Variants in RBPJ observed in about 807,000 individuals in gnomAD.
The protein encoded by RBPJ is recombination signal binding protein for immunoglobulin kappa J region.
A neutral mutation model predicts 67.8 loss-of-function variants in RBPJ; 9 were observed. The ratio of observed to expected loss-of-function variants is 0.13; its 90% CI spans 0.08 to 0.23. The LOEUF (loss-of-function observed/expected upper bound fraction) is 0.23. Among genes scored for constraint, RBPJ ranks in the 10% least tolerant of loss-of-function variants. The pLI is 1.00. For synonymous variants in RBPJ, 198 were observed against 203.3 expected (o/e 0.97, Z 0.22); for missense variants, 305 against 595.6 (o/e 0.51, Z 5.08).
intron 1 of RBPJ, among the ~76,000 whole-genome samples, chr4:26,385,996 G>A (rs1196476279): frequency 6.6e-6 from 1 of 151,920 alleles, no homozygotes; most frequent in African/African-American, 2.4e-5. Context: ...TGATTACATA[G>A]GGTATATAAC....
intron 2 of RBPJ, among the ~76,000 whole-genome samples, chr4:26,395,349 C>T (rs1458350210): frequency 6.6e-6 from 1 of 152,078 alleles, no homozygotes. Context: ...ACATGGAAGG[C>T]TAAGGTGGGG....
At chr4:26,130,950 C>T in the RBPJ span, among the ~76,000 whole-genome samples, 10 of 152,282 alleles carry the variant, frequency 6.6e-5, no homozygotes, top group Middle Eastern at 3.4e-3. Context: ...TACATTTCGG[C>T]GTGGAATGTG....
chr4:26,289,402 A>AAAG (rs1721591986), intron 1 of RBPJ, among the ~76,000 whole-genome samples: 1 of 145,260 alleles, frequency 6.9e-6, no homozygotes, highest in African/African-American at 2.7e-5. Flanking sequence ...AAAAAAAAAA[A>AAAG]AAAAAGAAAA....
At chr4:26,414,315 G>A (rs750099930) in intron 3 of RBPJ, among the ~76,000 whole-genome samples, 4 of 151,930 alleles carry the variant, frequency 2.6e-5, no homozygotes, top group Admixed American at 2.6e-4. Flanking sequence ...GACTATAGGC[G>A]CCTGCCACCA....
chr4:26,430,178 T>A lies in RBPJ; in HGVS notation c.1044+125T>A. 1.8e-6 allele frequency: 2 copies of A among 1,138,836 alleles called. No homozygotes were observed. Among genetic ancestry groups the A allele is most frequent in the Non-Finnish European group, 2.6e-6 (2 of 769,574 alleles). The allele number at this position is 1,138,836 out of a possible 1,614,324, so 70.5% of individuals were successfully genotyped here. A position where few individuals can be genotyped will look rare whatever the true frequency, so the allele number is the denominator to read the frequency against. On this transcript the variant is annotated intron_variant, in intron 9 of 10. Coordinates refer to ENST00000355476, the MANE Select transcript of RBPJ (RefSeq NM_015874.6). This position sits in a 1 kb window ranked among gnomAD's most constrained non-coding sequence, Gnocchi z 4.1. ...ATCGTCTGATTAGGGGATTTTTATA[T>A]ACACCATTTGTTGATTTAAAGAAAA...
the RBPJ span, among the ~76,000 whole-genome samples, chr4:26,143,339 T>G: frequency 6.6e-6 from 1 of 152,236 alleles, no homozygotes; most frequent in South Asian, 2.1e-4. Flanking sequence ...TCTTAACAGG[T>G]AAGTTGTATC....
intron 1 of RBPJ, among the ~76,000 whole-genome samples, chr4:26,183,086 C>T (rs747119171): frequency 7.9e-5 from 12 of 152,200 alleles, no homozygotes; most frequent in Non-Finnish European, 1.5e-4. Context: ...ATACAGAAAC[C>T]AGTAACACAG....
chr4:26,162,833 T>C (rs1716118359), upstream of RBPJ, among the ~76,000 whole-genome samples: 1 of 152,134 alleles, frequency 6.6e-6, no homozygotes, highest in African/African-American at 2.4e-5. Flanking sequence ...CCACTACAGA[T>C]GAAGTATGCT....
At chr4:26,411,770 A>G (rs1734041094) in intron 3 of RBPJ, among the ~76,000 whole-genome samples, 1 of 152,032 alleles carries the variant, frequency 6.6e-6, no homozygotes, top group South Asian at 2.1e-4. Context: ...TCATTCTTTT[A>G]TCAGTTTAGC....
At chr4:26,319,586 G>C, upstream of RBPJ, 1 of 530,852 alleles carries the variant, frequency 1.9e-6, no homozygotes, top group Non-Finnish European at 3.4e-6. Flanking sequence ...GATTTGGGGC[G>C]AAAGCTTAGG....
intron 1 of RBPJ, among the ~76,000 whole-genome samples, chr4:26,174,878 A>T (rs1342684968): frequency 1.3e-5 from 2 of 152,200 alleles, no homozygotes; most frequent in Non-Finnish European, 2.9e-5. Context: ...ATCACATCAA[A>T]CCGTAGATTT....
rs1339815621 is a variant in RBPJ, at chr4:26,386,269, A to G, written c.21-84A>G. The G allele has an allele frequency of 4.5e-6, 4 of 896,652 alleles. No homozygotes were observed. In the African/African-American group the frequency reaches 5.1e-5, roughly 11 times the overall value. 55.5% of individuals were successfully genotyped at this position (896,652 alleles called of 1,614,324 possible). A position where few individuals can be genotyped will look rare whatever the true frequency, so the allele number is the denominator to read the frequency against. Reference sequence around the variant, plus strand: ...GAGATTGAAGTATAAGTCATAAAAGAGATTTTATGATGCCTGAAAAGCTTT... The same window carrying G: ...GAGATTGAAGTATAAGTCATAAAAGGGATTTTATGATGCCTGAAAAGCTTT... On this transcript the variant is annotated intron_variant, in intron 1 of 10. Transcript: ENST00000355476.
chr4:26,286,145 A>G (rs1483301690), intron 1 of RBPJ, among the ~76,000 whole-genome samples: 2 of 151,476 alleles, frequency 1.3e-5, no homozygotes, highest in African/African-American at 4.8e-5. Flanking sequence ...ATTAATTTGG[A>G]AGACTGGCTT....
intron 1 of RBPJ, among the ~76,000 whole-genome samples, chr4:26,244,252 C>CATATATGTGTGTATATGT (rs1553852695): frequency 5.0e-3 from 7 of 1,410 alleles, no homozygotes; most frequent in East Asian, 0.024. Flanking sequence ...TATGTGTACA[C>CATATATGTGTGTATATGT]ATACACATAT....
intron 1 of RBPJ, among the ~76,000 whole-genome samples, chr4:26,303,224 T>C (rs1224782366): frequency 1.4e-5 from 2 of 143,430 alleles, no homozygotes; most frequent in Non-Finnish European, 3.0e-5. Context: ...AAATAATAAA[T>C]GAATAAATAT....
intron 1 of RBPJ, among the ~76,000 whole-genome samples, chr4:26,327,349 T>C (rs1723736648): frequency 6.6e-6 from 1 of 152,138 alleles, no homozygotes; most frequent in African/African-American, 2.4e-5. Context: ...AATGGTAAGT[T>C]TGAGAGCTTT....
intron 1 of RBPJ, among the ~76,000 whole-genome samples, chr4:26,326,018 CTTATACTTAGAAGATTGTCTATCACATGA>C (rs1356641601): frequency 6.6e-6 from 1 of 152,042 alleles, no homozygotes; most frequent in Non-Finnish European, 1.5e-5. Context: ...CATTTATATT[CTTATACTTAGAAGATTGTCTATCACATGA>C]TAGAGACTCA....
chr4:26,277,134 TA>T, intron 1 of RBPJ, among the ~76,000 whole-genome samples: 1 of 150,536 alleles, frequency 6.6e-6, no homozygotes, highest in African/African-American at 2.5e-5. Context: ...AAAAAAAATT[TA>T]AATTAGCCAG....
At chr4:26,393,665 A>G (rs1170363354) in intron 2 of RBPJ, among the ~76,000 whole-genome samples, 1 of 152,120 alleles carries the variant, frequency 6.6e-6, no homozygotes, top group African/African-American at 2.4e-5. Context: ...GAGAGCCACC[A>G]CACCCTGCCT....
Sources: allele counts gnomAD v4.1 joint callset (sites outside exome capture counted in the v4.1 genomes callset), GRCh38; gene constraint gnomAD v4.1.1; non-coding constraint Gnocchi (gnomAD v3.1); transcripts MANE v1.5; gene names NCBI Gene and HGNC (gene_info 2026-07-23, HGNC 2026-07-21).